The following TRIO variants were observed in gnomAD, a reference collection of about 807,000 sequenced individuals.
TRIO encodes the protein triple functional domain protein.
In TRIO, 58 loss-of-function variants were observed where a neutral mutation model predicts 351.9. The ratio of observed to expected loss-of-function variants is 0.16; its 90% CI spans 0.13 to 0.21. The LOEUF (loss-of-function observed/expected upper bound fraction) is 0.21, where lower values mean the gene tolerates loss of function less well. TRIO is among the 10% of genes least tolerant of loss of function. The pLI is 1.00. For missense variants in TRIO, 3,201 were observed against 4,027.8 expected (o/e 0.79, Z 5.56); for synonymous variants, 1,758 against 1,595.7 (o/e 1.10, Z -2.42).
chr5:14,217,066 A>G (rs1792270674), intron 1 of TRIO, among the ~76,000 whole-genome samples: 1 of 152,178 alleles, frequency 6.6e-6, no homozygotes, highest in South Asian at 2.1e-4. Flanking sequence ...CAGATCATGC[A>G]TTCCTCCTCC....
At chr5:14,298,125 A>T (rs1468548748) in intron 7 of TRIO, among the ~76,000 whole-genome samples, 4 of 152,148 alleles carry the variant, frequency 2.6e-5, no homozygotes, top group Non-Finnish European at 5.9e-5. Flanking sequence ...TTTCATAATT[A>T]TAAACTTAGC....
At position 14,366,987 on chromosome 5, in the gene TRIO, C is replaced by A; in HGVS notation, c.2874+8C>A. Reference sequence around the variant, plus strand: ...TTCCAGCATGCCATTGAGGTAAGGGCGCTGGGCCTGCCTGTGTGTTGGCTC... The same window carrying A: ...TTCCAGCATGCCATTGAGGTAAGGGAGCTGGGCCTGCCTGTGTGTTGGCTC... On this transcript the variant is annotated splice_region_variant and intron_variant, in intron 16 of 56. Coordinates refer to ENST00000344204, the MANE Select transcript of TRIO (RefSeq NM_007118.4). 1 of 1,613,856 alleles carries A rather than the reference C, an allele frequency of 6.2e-7. No individual in the cohort carries two copies.
chr5:14,426,290 A>G (rs1750636756), intron 34 of TRIO, among the ~76,000 whole-genome samples: 1 of 152,184 alleles, frequency 6.6e-6, no homozygotes. Flanking sequence ...ACATCAGGTA[A>G]CATAGGGGCT....
chr5:14,379,954 GC>G (rs1745922079), intron 20 of TRIO, among the ~76,000 whole-genome samples: 1 of 152,106 alleles, frequency 6.6e-6, no homozygotes, highest in South Asian at 2.1e-4. Flanking sequence ...CCTCCCGCCT[GC>G]TGGCCACCCA....
chr5:14,369,473 G>A lies in TRIO; in HGVS notation c.3166G>A (p.Val1056Met), dbSNP rs755777586. 9 of 1,614,022 alleles carry A rather than the reference G, an allele frequency of 5.6e-6. No homozygotes were observed. The highest frequency in any genetic ancestry group is 2.2e-5 in the South Asian group (2 of 91,082). Residue 1056 changes from valine to methionine, a missense_variant, in exon 18 of 57, where the codon GTG (valine) becomes ATG (methionine). Coordinates refer to ENST00000344204, the MANE Select transcript of TRIO (RefSeq NM_007118.4). ...KLGPNSETDH[V>M]TPMISKHLEQ... The stretch of plus-strand genomic sequence containing the variant: ...GGGCCCAAACTCTGAGACGGACCAC[G>A]TGACGCCCATGATCAGCAAGCACCT...
chr5:14,371,296 T>TTGGA (rs1745081889), intron 18 of TRIO, among the ~76,000 whole-genome samples: 1 of 152,218 alleles, frequency 6.6e-6, no homozygotes, highest in African/African-American at 2.4e-5. Flanking sequence ...ACAAGCCTTT[T>TTGGA]TGGATCCCTT....
At chr5:14,145,290 C>T (rs1325039846) in intron 1 of TRIO, among the ~76,000 whole-genome samples, 9 of 152,228 alleles carry the variant, frequency 5.9e-5, no homozygotes, top group African/African-American at 1.9e-4. Context: ...TGGTTTAGTA[C>T]TGTCTTCTCT....
intron 1 of TRIO, among the ~76,000 whole-genome samples, chr5:14,219,787 C>T (rs1792475185): frequency 6.6e-6 from 1 of 152,050 alleles, no homozygotes; most frequent in African/African-American, 2.4e-5. Context: ...CATTAAAGAA[C>T]CATTTCTGGA....
intron 34 of TRIO, among the ~76,000 whole-genome samples, chr5:14,441,819 A>G (rs970380365): frequency 6.6e-6 from 1 of 152,230 alleles, no homozygotes; most frequent in Non-Finnish European, 1.5e-5. Flanking sequence ...AACTACAGCC[A>G]TATGATAAGA....
In TRIO at chr5:14,330,804, A is replaced by G. The variant is rs748983855; in HGVS notation, c.1758A>G (p.Gly586=). ...TGCTAGACTGGATCGAGAACCACGG[A>G]GAAGCATTTCTGAGCAAACATACAG... is the stretch of plus-strand genomic sequence containing the variant. The part of the protein sequence containing the change: ...QQVLDWIENH[G]EAFLSKHTGV... Residue 586 remains glycine, a synonymous_variant, in exon 10 of 57, where the codon GGA becomes GGG. Coordinates refer to ENST00000344204, the MANE Select transcript of TRIO (RefSeq NM_007118.4). The G allele has an allele frequency of 6.2e-7, 1 of 1,614,174 alleles. No individual in the cohort carries two copies. The highest frequency in any genetic ancestry group is 1.1e-5 in the South Asian group (1 of 91,088).
intron 27 of TRIO, among the ~76,000 whole-genome samples, chr5:14,391,282 TATC>T (rs1173120721): frequency 1.3e-5 from 2 of 152,250 alleles, no homozygotes; most frequent in East Asian, 1.9e-4. Context: ...TCATTTATAA[TATC>T]ATTACTATTT....
rs114293538 is a variant in TRIO at position 14,396,764 on chromosome 5, C to T, written c.4312-279C>T. Reference sequence around the variant, plus strand: ...GGATTACAGGCATGAGCCACCACACCCGGCCTCTGTTTATCATTTTTGAGG... The same window carrying T: ...GGATTACAGGCATGAGCCACCACACTCGGCCTCTGTTTATCATTTTTGAGG... On this transcript the variant is annotated intron_variant, in intron 28 of 56. Transcript: ENST00000344204. 2.8e-3 allele frequency among the ~76,000 whole-genome samples: 422 copies of T among 152,028 alleles called. 1 individual carries two copies. The highest frequency in any genetic ancestry group is 9.7e-3 in the African/African-American group (404 of 41,466).
chr5:14,251,728 A>G (rs1349221474), intron 1 of TRIO, among the ~76,000 whole-genome samples: 1 of 152,164 alleles, frequency 6.6e-6, no homozygotes, highest in African/African-American at 2.4e-5. Flanking sequence ...GGTGGGAACA[A>G]TTGGGGCCTT....
At chr5:14,294,620 AC>A (rs1295863803) in intron 6 of TRIO, among the ~76,000 whole-genome samples, 8 of 152,210 alleles carry the variant, frequency 5.3e-5, no homozygotes, top group Non-Finnish European at 1.2e-4. Context: ...GGGAATAGGA[AC>A]CATAGTGTAG....
chr5:14,247,674 CTG>C (rs1794513516), intron 1 of TRIO, among the ~76,000 whole-genome samples: 2 of 152,226 alleles, frequency 1.3e-5, no homozygotes, highest in Admixed American at 1.3e-4. Context: ...ATGTTATAGT[CTG>C]TGCTAAGAAG....
chr5:14,498,706 GT>G (rs578025079), intron 53 of TRIO, 66 bp downstream of exon 53: 1 of 1,587,804 alleles, frequency 6.3e-7, no homozygotes, highest in African/African-American at 1.3e-5. Context: ...GTCTCCTTAA[GT>G]CCTGAGTCTG....
Position 14,172,135 on chromosome 5 carries a change from A to G in TRIO, c.157+28253A>G, listed in dbSNP as rs528009803. On this transcript the variant is annotated intron_variant, in intron 1 of 56. Transcript: ENST00000344204. ...TTAGGACACTAATAAGCACTGCAGC[A>G]TTACTAAGCTGTGAGTTACTTTTGC... 8.9e-4 allele frequency among the ~76,000 whole-genome samples: 136 copies of G among 152,330 alleles called. 5 individuals are homozygous for G. In the South Asian group the frequency reaches 0.027, roughly 30 times the overall value.
At chr5:14,488,415 C>A in intron 48 of TRIO, 155 bp downstream of exon 48, 1 of 1,178,252 alleles carries the variant, frequency 8.5e-7, no homozygotes, top group Non-Finnish European at 1.2e-6. Flanking sequence ...CTCCTGCGGG[C>A]CGGCCCACGG....
At position 14,476,895 on chromosome 5, in the gene TRIO, T is replaced by G; in HGVS notation, c.6085T>G (p.Phe2029Val). 6.3e-7 allele frequency: 1 copy of G among 1,596,316 alleles called. No individual in the cohort carries two copies. Among genetic ancestry groups the G allele is most frequent in the Non-Finnish European group, 8.6e-7 (1 of 1,167,728 alleles). ...TAATATTTTCTCCTTTCTTTCCAGC[T>G]TTTTTTTAGGAGAGTTAGAGAAGTG... ...IHQIYDWHRD[F>V]FLGELEKCLE... The change falls in exon 41 of 57, where the codon TTT becomes GTT. Residue 2029 changes from phenylalanine to valine, a missense_variant and splice_region_variant. Physicochemically the swap from Phe to Val is conservative, Grantham distance 50. This residue lies in a region of TRIO where 307 missense variants were observed against 396.5 expected (regional missense o/e 0.77). Coordinates refer to ENST00000344204, the MANE Select transcript of TRIO (RefSeq NM_007118.4).
Sources: gnomAD v4.1 joint callset for allele counts (sites outside exome capture counted in the v4.1 genomes callset) on GRCh38, gnomAD v4.1.1 for gene constraint, gnomAD v4.1.1 regional missense constraint, MANE v1.5 for transcripts, NCBI Gene and HGNC (gene_info 2026-07-23, HGNC 2026-07-21) for gene names.